The following TJP1 variants were observed in gnomAD, a reference collection of about 807,000 sequenced individuals.
TJP1 encodes tight junction protein ZO-1.
TJP1 carries 43 observed loss-of-function variants against 194.2 expected under a neutral mutation model. The ratio of observed to expected loss-of-function variants is 0.22; its 90% CI spans 0.17 to 0.29. The LOEUF is 0.29. TJP1 is among the 10% of genes least tolerant of loss of function. The probability of loss-of-function intolerance (pLI) is 1.00; values close to 1 mark genes in which losing one functional copy is unlikely to be tolerated. For synonymous variants in TJP1, 801 were observed against 779.0 expected (o/e 1.03, Z -0.47); for missense variants, 1,971 against 2,185.7 (o/e 0.90, Z 1.96).
intron 2 of TJP1, among the ~76,000 whole-genome samples, chr15:29,798,190 C>T (rs2048538545): frequency 6.6e-6 from 1 of 151,946 alleles, no homozygotes; most frequent in East Asian, 1.9e-4. Flanking sequence ...AGGCTGGTCT[C>T]AAACTCCTGG....
Position 29,718,324 on chromosome 15 carries a change from T to G in TJP1, c.3818A>C (p.Asn1273Thr). 6.2e-7 allele frequency: 1 copy of G among 1,614,058 alleles called. No individual in the cohort carries two copies. Among genetic ancestry groups the G allele is most frequent in the Non-Finnish European group, 8.5e-7 (1 of 1,180,016 alleles). Reference sequence around the variant, plus strand: ...GGTCTCTAAGGATGCAGATCTTTTGTTTTCAAACATCTTAACTCTGGTGAG... The same window carrying G: ...GGTCTCTAAGGATGCAGATCTTTTGGTTTCAAACATCTTAACTCTGGTGAG... Reference protein sequence around the residue: ...SVLTRVKMFENKRSASLETKK... With the variant: ...SVLTRVKMFETKRSASLETKK... The change falls in exon 21 of 28, where the codon AAC (asparagine) becomes ACC (threonine). Residue 1273 changes from asparagine to threonine, a missense_variant. This residue lies in a region of TJP1 where 1,108 missense variants were observed against 1,128.5 expected (regional missense o/e 0.98). Transcript: ENST00000614355.
At chr15:29,821,059 G>A (rs574688559) in intron 1 of TJP1, among the ~76,000 whole-genome samples, 7 of 152,100 alleles carry the variant, frequency 4.6e-5, no homozygotes, top group African/African-American at 1.7e-4. Flanking sequence ...TTCTTTAAAG[G>A]GGAGATTTTT....
intron 8 of TJP1, chr15:29,759,228 G>A (rs2045842939): frequency 1.3e-5 from 2 of 152,112 alleles, no homozygotes; most frequent in African/African-American, 2.4e-5. Flanking sequence ...CAATTTTAGT[G>A]ACTTCTATGG....
intron 1 of TJP1, among the ~76,000 whole-genome samples, chr15:29,958,665 A>G (rs2152316872): frequency 6.6e-6 from 1 of 151,802 alleles, no homozygotes; most frequent in East Asian, 1.9e-4. Flanking sequence ...GTATATGTAC[A>G]CACACACACA....
intron 2 of TJP1, among the ~76,000 whole-genome samples, chr15:29,780,258 G>A (rs999776607): frequency 6.6e-6 from 1 of 151,910 alleles, no homozygotes; most frequent in Non-Finnish European, 1.5e-5. Context: ...GAATCAGTGG[G>A]AGCCCTGAGC....
chr15:29,816,478 A>C (rs1035747700), intron 1 of TJP1, among the ~76,000 whole-genome samples: 2 of 152,250 alleles, frequency 1.3e-5, no homozygotes, highest in African/African-American at 4.8e-5. Context: ...AACTATATAA[A>C]TTAAAGCTTT....
intron 1 of TJP1, chr15:29,968,305 G>A (rs76174223): frequency 1.8e-5 from 18 of 985,006 alleles, no homozygotes; most frequent in Non-Finnish European, 2.2e-5. Context: ...CGAGAGCCTG[G>A]CTGGAAATTC....
At chr15:29,725,969 C>G (rs2043214211) in intron 18 of TJP1, among the ~76,000 whole-genome samples, 1 of 152,144 alleles carries the variant, frequency 6.6e-6, no homozygotes, top group African/African-American at 2.4e-5. Context: ...TCTCTTAGAG[C>G]AAGTCCTGAA....
At chr15:29,887,369 C>T (rs1180030319) in intron 2 of TJP1, among the ~76,000 whole-genome samples, 1 of 151,362 alleles carries the variant, frequency 6.6e-6, no homozygotes, top group African/African-American at 2.4e-5. Context: ...TGCGCAATCT[C>T]GGCTCACTGC....
At chr15:29,804,191 A>G (rs1027159740) in intron 1 of TJP1, among the ~76,000 whole-genome samples, 3 of 152,162 alleles carry the variant, frequency 2.0e-5, no homozygotes, top group African/African-American at 7.2e-5. Flanking sequence ...GGAGTTCTGA[A>G]TGAGGAATGG....
At chr15:29,704,402 G>T in intron 26 of TJP1, 97 bp from the exon 27 acceptor site, 1 of 1,428,312 alleles carries the variant, frequency 7.0e-7, no homozygotes, top group Non-Finnish European at 9.4e-7. Context: ...ATGCTTGAAA[G>T]CCTAATGGAG....
intron 1 of TJP1, among the ~76,000 whole-genome samples, chr15:29,809,487 G>A (rs1249784620): frequency 7.9e-5 from 12 of 152,140 alleles, no homozygotes; most frequent in Admixed American, 7.9e-4. Flanking sequence ...ATGCCTAAGA[G>A]AAATGTTAAA....
chr15:29,813,920 G>A (rs553200669), intron 1 of TJP1, among the ~76,000 whole-genome samples: 1 of 152,280 alleles, frequency 6.6e-6, no homozygotes, highest in African/African-American at 2.4e-5. Context: ...AATCCAAATT[G>A]TTACATATTT....
At chr15:29,716,526 T>TA in intron 23 of TJP1, 85 bp downstream of exon 23, 1 of 1,027,144 alleles carries the variant, frequency 9.7e-7, no homozygotes, top group Admixed American at 2.3e-5. Context: ...ATATTACACT[T>TA]AAATTATTTT....
At chr15:29,836,475 G>A (rs2051035733) in intron 2 of TJP1, among the ~76,000 whole-genome samples, 1 of 151,840 alleles carries the variant, frequency 6.6e-6, no homozygotes, top group Admixed American at 6.6e-5. Flanking sequence ...GTTTCACCGT[G>A]TTGGCCAGGA....
chr15:29,968,579 C>CCCGGCCGCCGCTCGCTCTCCCACT (rs1368412926), intron 1 of TJP1: 27 of 878,808 alleles, frequency 3.1e-5, no homozygotes, highest in Middle Eastern at 5.1e-4. Context: ...GCCCGACCGC[C>CCCGGCCGCCGCTCGCTCTCCCACT]CCGGCCGCCG....
intron 5 of TJP1, among the ~76,000 whole-genome samples, chr15:29,763,995 G>A (rs1264190476): frequency 6.6e-6 from 1 of 152,122 alleles, no homozygotes; most frequent in East Asian, 1.9e-4. Context: ...TTACACAGAT[G>A]ACCCCAAAAT....
At chr15:29,822,508 G>A (rs1418984523), upstream of TJP1, 34 of 984,680 alleles carry the variant, frequency 3.5e-5, no homozygotes, top group Middle Eastern at 5.2e-4. Flanking sequence ...TGCCCGGCCC[G>A]GCGGGGGCGG....
At chr15:29,867,000 G>A (rs1207140835) in intron 2 of TJP1, among the ~76,000 whole-genome samples, 2 of 152,218 alleles carry the variant, frequency 1.3e-5, no homozygotes, top group African/African-American at 2.4e-5. Context: ...TTTCATTCAC[G>A]TGGGTACTCA....
Sources: allele counts gnomAD v4.1 joint callset (sites outside exome capture counted in the v4.1 genomes callset), GRCh38; gene constraint gnomAD v4.1.1; regional missense constraint gnomAD v4.1.1; transcripts MANE v1.5; gene names NCBI Gene and HGNC (gene_info 2026-07-23, HGNC 2026-07-21).